The following HTR2C variants were observed in gnomAD, a reference collection of about 807,000 sequenced individuals.
HTR2C encodes the protein 5-hydroxytryptamine (serotonin) receptor 2C, G protein-coupled.
A neutral mutation model predicts 21.0 loss-of-function variants in HTR2C; 5 were observed. The ratio of observed to expected loss-of-function variants is 0.24; its 90% CI spans 0.12 to 0.50. HTR2C has a LOEUF of 0.50. HTR2C is among the 20% of genes least tolerant of loss of function. The pLI, the probability that HTR2C is intolerant of heterozygous loss-of-function variation, is 0.98. For synonymous variants in HTR2C, 150 were observed against 145.3 expected (o/e 1.03, Z -0.23); for missense variants, 271 against 371.2 (o/e 0.73, Z 2.22).
chrX:114,712,976 T>C (rs2147322799), intron 2 of HTR2C, among the ~76,000 whole-genome samples: 1 of 112,126 alleles, frequency 8.9e-6, no homozygotes, highest in Admixed American at 9.5e-5. Context: ...ATGTATAAAA[T>C]GCTAAAAATA....
At chrX:114,697,521 A>C (rs1932314991) in intron 2 of HTR2C, among the ~76,000 whole-genome samples, 1 of 112,177 alleles carries the variant, frequency 8.9e-6, no homozygotes, top group South Asian at 3.7e-4. Flanking sequence ...TCTAAGCCTG[A>C]ATCTTCCGTA....
intron 5 of HTR2C, among the ~76,000 whole-genome samples, chrX:114,863,199 A>G (rs1556473546): frequency 9.0e-6 from 1 of 111,389 alleles, no homozygotes; most frequent in Non-Finnish European, 1.9e-5. Flanking sequence ...TTACTTTGAG[A>G]TACGTACCCA....
chrX:114,771,677 G>T (rs1226675850), intron 4 of HTR2C, among the ~76,000 whole-genome samples: 2 of 111,700 alleles, frequency 1.8e-5, no homozygotes, highest in African/African-American at 6.5e-5. Flanking sequence ...CCTTATGTTG[G>T]TCCTTTTGCC....
At chrX:114,753,020 A>G (rs1352893234) in intron 4 of HTR2C, among the ~76,000 whole-genome samples, 2 of 111,076 alleles carry the variant, frequency 1.8e-5, no homozygotes, top group Non-Finnish European at 3.8e-5. Flanking sequence ...AATTTGATAG[A>G]CATTTATAAA....
In HTR2C at chrX:114,645,001, A is replaced by G. The variant is rs931643737; in HGVS notation, c.-80+31120A>G. Among the ~76,000 whole-genome samples, 3 of 110,654 alleles carry G rather than the reference A, an allele frequency of 2.7e-5. No homozygotes were observed. The Admixed American group carries it at 2.9e-4, about 11-fold the overall frequency. ...AAGCAGGTGGAGAGAAAGGAATATA[A>G]CATTTTTCAGGAAGGGATTATGGGC... On this transcript the variant is annotated intron_variant, in intron 2 of 5. Transcript: ENST00000276198.
chrX:114,814,924 A>G (rs1464702860), intron 4 of HTR2C, among the ~76,000 whole-genome samples: 1 of 102,803 alleles, frequency 9.7e-6, no homozygotes, highest in Non-Finnish European at 2.0e-5. Flanking sequence ...CATATAGTAT[A>G]TATCATATAT....
At chrX:114,635,373 C>T (rs1929801976) in intron 2 of HTR2C, among the ~76,000 whole-genome samples, 2 of 111,715 alleles carry the variant, frequency 1.8e-5, no homozygotes, top group Non-Finnish European at 3.8e-5. Context: ...TACTAAAAGA[C>T]ATTGTGGGCA....
At chrX:114,661,169 A>G (rs782740480) in intron 2 of HTR2C, among the ~76,000 whole-genome samples, 1 of 111,501 alleles carries the variant, frequency 9.0e-6, no homozygotes, top group African/African-American at 3.3e-5. Context: ...TGAGTGGAAA[A>G]GTTGGCCGGG....
At chrX:114,700,014 A>C (rs781974787) in intron 2 of HTR2C, among the ~76,000 whole-genome samples, 3 of 111,943 alleles carry the variant, frequency 2.7e-5, no homozygotes, top group Non-Finnish European at 5.6e-5. Context: ...AGAAAATATG[A>C]GCGTAATAAA....
chrX:114,676,434 TC>T (rs1931564417), intron 2 of HTR2C, among the ~76,000 whole-genome samples: 2 of 107,099 alleles, frequency 1.9e-5, no homozygotes, highest in South Asian at 4.5e-4. Flanking sequence ...GTGTTCCACT[TC>T]AGCTTTCTGA....
At chrX:114,734,792 T>C (rs1373700569) in intron 4 of HTR2C, among the ~76,000 whole-genome samples, 38 of 110,352 alleles carry the variant, frequency 3.4e-4, no homozygotes, top group Admixed American at 1.2e-3. Context: ...TATACAAATA[T>C]ATATATATAA....
rs190538971 is a variant in HTR2C at position 114,713,708 on chromosome X, C to T, written c.-79-13150C>T. On this transcript the variant is annotated intron_variant, in intron 2 of 5. Coordinates refer to ENST00000276198, the MANE Select transcript of HTR2C (RefSeq NM_000868.4). The stretch of plus-strand genomic sequence containing the variant: ...TAAGTTACTTCTCCCTCTTGAAAAA[C>T]GTGAAGGAAAATATTCAAACATTCA... 5.4e-5 allele frequency among the ~76,000 whole-genome samples: 6 copies of T among 111,381 alleles called. No individual in the cohort carries two copies. In the East Asian group the frequency reaches 8.5e-4, roughly 16 times the overall value.
intron 5 of HTR2C, among the ~76,000 whole-genome samples, chrX:114,858,413 G>C (rs2070980361): frequency 9.0e-6 from 1 of 110,692 alleles, no homozygotes; most frequent in Non-Finnish European, 1.9e-5. Context: ...TTAATTTAGA[G>C]GTCTTGCACA....
At chrX:114,820,558 T>A (rs969268172) in intron 4 of HTR2C, among the ~76,000 whole-genome samples, 4 of 110,700 alleles carry the variant, frequency 3.6e-5, no homozygotes, top group African/African-American at 1.3e-4. Flanking sequence ...AATCTCAACT[T>A]GAATTGTATC....
intron 5 of HTR2C, among the ~76,000 whole-genome samples, chrX:114,865,811 G>GTAGT (rs1305373127): frequency 9.1e-6 from 1 of 110,301 alleles, no homozygotes; most frequent in East Asian, 2.8e-4. Context: ...ATTTTTTATT[G>GTAGT]TATTTATTTA....
chrX:114,846,010 C>A (rs1177455472), intron 4 of HTR2C, among the ~76,000 whole-genome samples: 2 of 109,957 alleles, frequency 1.8e-5, no homozygotes, highest in Non-Finnish European at 3.8e-5. Context: ...AAGATCCTAT[C>A]TCAAAAAAAA....
At chrX:114,639,579 G>A (rs1306416662) in intron 2 of HTR2C, 1 of 112,919 alleles carries the variant, frequency 8.9e-6, no homozygotes, top group Non-Finnish European at 1.9e-5. Context: ...AGGACTCTCA[G>A]ATCAGTGGGA....
At chrX:114,759,807 G>A (rs970899910) in intron 4 of HTR2C, among the ~76,000 whole-genome samples, 3 of 111,094 alleles carry the variant, frequency 2.7e-5, no homozygotes, top group Non-Finnish European at 5.6e-5. Flanking sequence ...ACACTTCGTG[G>A]AGTAACAACT....
In HTR2C at chrX:114,763,117, C is replaced by T. The variant is rs1367721281; in HGVS notation, c.349+31510C>T. 2.4e-5 allele frequency: 3 copies of T among 125,402 alleles called. No homozygotes were observed. The East Asian group carries it at 8.4e-4, about 35-fold the overall frequency. The allele number at this position is 125,402 out of a possible 1,213,427, so 10.3% of individuals were successfully genotyped here. A position where few individuals can be genotyped will look rare whatever the true frequency, so the allele number is the denominator to read the frequency against. Reference sequence around the variant, plus strand: ...TCTACCACTGGGCATCCATCATCTCCCATTTGGCATTCATCATCTCCCACT... The same window carrying T: ...TCTACCACTGGGCATCCATCATCTCTCATTTGGCATTCATCATCTCCCACT... On this transcript the variant is annotated intron_variant, in intron 4 of 5. Coordinates refer to ENST00000276198, the MANE Select transcript of HTR2C (RefSeq NM_000868.4).
Sources: allele counts gnomAD v4.1 joint callset (sites outside exome capture counted in the v4.1 genomes callset), GRCh38; gene constraint gnomAD v4.1.1; transcripts MANE v1.5; gene names NCBI Gene and HGNC (gene_info 2026-07-23, HGNC 2026-07-21).